Variants in USP34 observed in about 807,000 individuals in gnomAD.
The protein encoded by USP34 is ubiquitin specific peptidase 34.
USP34 carries 70 observed loss-of-function variants against 460.3 expected under a neutral mutation model. The observed-to-expected ratio is 0.15, with a 90% confidence interval of 0.13 to 0.19. The LOEUF (loss-of-function observed/expected upper bound fraction) is 0.19. Ranked by LOEUF, USP34 falls within the 10% of genes least tolerant of loss-of-function variation. The probability of loss-of-function intolerance (pLI) is 1.00; values close to 1 mark genes in which losing one functional copy is unlikely to be tolerated. For synonymous variants in USP34, 1,647 were observed against 1,405.3 expected, an observed-to-expected ratio of 1.17 and a Z score of -3.85; for missense variants, 3,985 against 4,236.2, an observed-to-expected ratio of 0.94 and a Z score of 1.65.
chr2:61,451,442 C>A (rs541740163), intron 1 of USP34, among the ~76,000 whole-genome samples: 2 of 150,632 alleles, frequency 1.3e-5, no homozygotes. Flanking sequence ...CCCAGCACTT[C>A]GGGAGGCCAA....
At position 61,373,526 on chromosome 2, in the gene USP34, A is replaced by G. The variant is rs187393097; in HGVS notation, c.1077-2947T>C. Among the ~76,000 whole-genome samples the G allele has an allele frequency of 4.9e-3, 748 of 152,338 alleles. 7 individuals carry two copies. The highest frequency in any genetic ancestry group is 9.1e-3 in the Non-Finnish European group (616 of 68,028). On this transcript the variant is annotated intron_variant, in intron 8 of 79. Coordinates refer to ENST00000398571, the MANE Select transcript of USP34 (RefSeq NM_014709.4). The stretch of plus-strand genomic sequence containing the variant: ...TACCAATAACAAATAAAATAGACTA[A>G]GCCAAAAAATGTCTGAAAGAGACAA...
At chr2:61,258,100 T>C (rs1688769649) in intron 44 of USP34, among the ~76,000 whole-genome samples, 1 of 151,610 alleles carries the variant, frequency 6.6e-6, no homozygotes, top group Non-Finnish European at 1.5e-5. Flanking sequence ...ATGCCTGTGA[T>C]CCCAGCACTT....
intron 13 of USP34, 25 bp downstream of exon 13, chr2:61,349,225 C>T (rs1478481493): frequency 1.2e-6 from 2 of 1,606,164 alleles, no homozygotes; most frequent in South Asian, 2.3e-5. Flanking sequence ...GTCATGTTGC[C>T]ATGAATTTCT....
intron 53 of USP34, among the ~76,000 whole-genome samples, chr2:61,240,170 T>C (rs1688210852): frequency 6.6e-6 from 1 of 152,276 alleles, no homozygotes; most frequent in South Asian, 2.1e-4. Flanking sequence ...GCTGACTGAA[T>C]TCCTAACACC....
intron 48 of USP34, among the ~76,000 whole-genome samples, chr2:61,252,789 A>T (rs1192808425): frequency 6.6e-6 from 1 of 152,240 alleles, no homozygotes; most frequent in Non-Finnish European, 1.5e-5. Context: ...AGCTTGTGGC[A>T]TGGGGTGAAA....
Position 61,236,348 on chromosome 2 carries a change from GTT to G in USP34, c.6817_6818del (p.Asn2273HisfsTer3). On this transcript the variant is annotated frameshift_variant, in exon 54 of 80. Transcript: ENST00000398571. LOFTEE classifies it high-confidence loss of function. ...ACCCAAAATATGTATGTTCAAAAAT[GTT>G]TTTGTCTTGAAGAAACTGCATGTTA... The part of the protein sequence containing the change: ...HDNMQFLQDK[N>X]IFEHTYFGFM... 6.2e-7 allele frequency: 1 copy of G among 1,604,812 alleles called. No homozygotes were observed. Among genetic ancestry groups the G allele is most frequent in the Non-Finnish European group, 8.5e-7 (1 of 1,176,478 alleles).
intron 59 of USP34, 125 bp from the exon 60 acceptor site, chr2:61,229,120 C>T: frequency 1.5e-6 from 1 of 661,872 alleles, no homozygotes; most frequent in African/African-American, 1.8e-5. Context: ...ACCGCAATAA[C>T]TTAAGTAGTT....
chr2:61,235,964 A>T, intron 56 of USP34, 54 bp from the exon 57 acceptor site: 1 of 1,597,384 alleles, frequency 6.3e-7, no homozygotes, highest in East Asian at 2.2e-5. Flanking sequence ...ACAATAACAA[A>T]AACCAAAAGA....
At chr2:61,437,891 T>TGATGG (rs1464851278) in intron 1 of USP34, among the ~76,000 whole-genome samples, 1 of 151,918 alleles carries the variant, frequency 6.6e-6, no homozygotes, top group Non-Finnish European at 1.5e-5. Context: ...AGTGCAGGAC[T>TGATGG]GATGGGTTCA....
intron 59 of USP34, 76 bp downstream of exon 59, chr2:61,229,472 A>AAC (rs1687826572): frequency 5.1e-4 from 355 of 694,646 alleles, no homozygotes; most frequent in East Asian, 8.9e-4. Flanking sequence ...AAAAAAAAAA[A>AAC]AAACAAAAAA....
intron 1 of USP34, among the ~76,000 whole-genome samples, chr2:61,452,557 G>A (rs946649353): frequency 7.9e-5 from 12 of 151,698 alleles, no homozygotes; most frequent in Non-Finnish European, 1.8e-4. Flanking sequence ...GACCTCAGGT[G>A]GTGATCCACC....
At chr2:61,444,575 C>G (rs1181266177) in intron 1 of USP34, among the ~76,000 whole-genome samples, 1 of 151,958 alleles carries the variant, frequency 6.6e-6, no homozygotes, top group Non-Finnish European at 1.5e-5. Flanking sequence ...ACTATGAATC[C>G]CAATAAATAC....
intron 10 of USP34, among the ~76,000 whole-genome samples, chr2:61,357,793 C>T (rs967807834): frequency 6.6e-6 from 1 of 152,176 alleles, no homozygotes; most frequent in Non-Finnish European, 1.5e-5. Flanking sequence ...GTCCTAGCTA[C>T]TTGAGAGGCT....
At chr2:61,277,667 C>G (rs1379835197) in intron 41 of USP34, 1 of 152,362 alleles carries the variant, frequency 6.6e-6, no homozygotes, top group Non-Finnish European at 1.5e-5. Flanking sequence ...TAATTTCTAG[C>G]AATTTTTATG....
At chr2:61,368,016 G>T (rs1005384999) in intron 10 of USP34, among the ~76,000 whole-genome samples, 1 of 152,140 alleles carries the variant, frequency 6.6e-6, no homozygotes, top group East Asian at 1.9e-4. Context: ...GTATAAACTC[G>T]ATGAACATGT....
chr2:61,238,046 C>T (rs1000700163), intron 53 of USP34, among the ~76,000 whole-genome samples: 1 of 151,838 alleles, frequency 6.6e-6, no homozygotes, highest in Non-Finnish European at 1.5e-5. Context: ...CAGGTGCCCG[C>T]CACCATACCC....
chr2:61,346,527 TAA>T (rs926076478), intron 15 of USP34, among the ~76,000 whole-genome samples: 2,741 of 44,082 alleles, frequency 0.062, 50 homozygotes, highest in Middle Eastern at 0.091. Flanking sequence ...CCCTATCTCT[TAA>T]AAAAAAAAAA....
intron 10 of USP34, among the ~76,000 whole-genome samples, chr2:61,369,275 T>A (rs535164140): frequency 6.6e-6 from 1 of 152,180 alleles, no homozygotes; most frequent in Non-Finnish European, 1.5e-5. Context: ...GAATTTATCA[T>A]AGCTACACAA....
chr2:61,324,143 G>C (rs945679492), intron 21 of USP34, among the ~76,000 whole-genome samples: 1 of 152,166 alleles, frequency 6.6e-6, no homozygotes, highest in Non-Finnish European at 1.5e-5. Context: ...CACAGAAAAA[G>C]AAGAATGTAG....
Sources: allele counts gnomAD v4.1 joint callset (sites outside exome capture counted in the v4.1 genomes callset), GRCh38; gene constraint gnomAD v4.1.1; transcripts MANE v1.5; gene names NCBI Gene and HGNC (gene_info 2026-07-23, HGNC 2026-07-21).